Variants in NCOR2 observed in about 807,000 individuals in gnomAD.
NCOR2 encodes nuclear receptor corepressor 2, also known as CTG repeat protein 26.
In NCOR2, 81 loss-of-function variants were observed where a neutral mutation model predicts 262.9. The ratio of observed to expected loss-of-function variants is 0.31; its 90% CI spans 0.26 to 0.37. NCOR2 has a LOEUF of 0.37. Ranked by LOEUF, NCOR2 falls within the 10% of genes least tolerant of loss-of-function variation. NCOR2 has a pLI of 1.00. For synonymous variants in NCOR2, 1,659 were observed against 1,559.3 expected (o/e 1.06, Z -1.51); for missense variants, 3,385 against 3,621.4 (o/e 0.93, Z 1.68).
At chr12:124,453,019 A>C (rs1242145959) in intron 6 of NCOR2, among the ~76,000 whole-genome samples, 3 of 152,002 alleles carry the variant, frequency 2.0e-5, no homozygotes, top group Non-Finnish European at 4.4e-5. Context: ...AATGCCGTGC[A>C]CCGCCATGGC....
intron 44 of NCOR2, 74 bp downstream of exon 46, chr12:124,330,770 AT>A: frequency 6.7e-7 from 1 of 1,495,938 alleles, no homozygotes; most frequent in Non-Finnish European, 9.1e-7. Context: ...TCGTCCCTTC[AT>A]GACAGCTGGA....
intron 20 of NCOR2, among the ~76,000 whole-genome samples, chr12:124,369,054 C>T (rs776422436): frequency 1.2e-4 from 18 of 152,212 alleles, no homozygotes; most frequent in South Asian, 2.1e-4. Context: ...AATCTCTGAG[C>T]GCCCACTGTG....
intron 16 of NCOR2, among the ~76,000 whole-genome samples, chr12:124,395,691 G>A (rs1276184575): frequency 1.3e-5 from 2 of 152,198 alleles, no homozygotes; most frequent in South Asian, 2.1e-4. Context: ...CAGGCAATGG[G>A]CGGTGGGGGC....
At chr12:124,434,547 C>T (rs1170221398) in intron 8 of NCOR2, among the ~76,000 whole-genome samples, 13 of 152,102 alleles carry the variant, frequency 8.5e-5, no homozygotes, top group Admixed American at 7.9e-4. Context: ...AGAACTCAAG[C>T]CCACCCCAAC....
chr12:124,352,722 G>A (rs2135902683), intron 27 of NCOR2, among the ~76,000 whole-genome samples: 1 of 152,352 alleles, frequency 6.6e-6, no homozygotes, highest in Admixed American at 6.5e-5. Context: ...GACATGGACA[G>A]AGAACAGAAA....
chr12:124,412,948 C>T (rs192053554), intron 13 of NCOR2, among the ~76,000 whole-genome samples: 1 of 152,350 alleles, frequency 6.6e-6, no homozygotes, highest in Non-Finnish European at 1.5e-5. Flanking sequence ...GGCACAGCCC[C>T]AGGATGCTGG....
intron 28 of NCOR2, chr12:124,348,948 G>C (rs1388883615): frequency 6.5e-6 from 1 of 153,464 alleles, no homozygotes; most frequent in Non-Finnish European, 1.4e-5. Flanking sequence ...ACATGCACGT[G>C]AGCCTGGCTG....
chr12:124,338,834 C>A (rs543173875), intron 37 of NCOR2, among the ~76,000 whole-genome samples: 4 of 152,114 alleles, frequency 2.6e-5, no homozygotes, highest in Admixed American at 6.5e-5. Flanking sequence ...TCCACTGGGG[C>A]CTCCATCCAC....
chr12:124,536,182 T>C (rs2051109202), upstream of NCOR2, among the ~76,000 whole-genome samples: 1 of 152,122 alleles, frequency 6.6e-6, no homozygotes, highest in South Asian at 2.1e-4. Context: ...CCTAAGGCGA[T>C]CCTCCCACCT....
At chr12:124,373,903 T>TGGACAATCATGAGGCCAGTGCGTGC (rs1566413165) in intron 19 of NCOR2, among the ~76,000 whole-genome samples, 4 of 78,326 alleles carry the variant, frequency 5.1e-5, no homozygotes, top group African/African-American at 2.0e-4. Flanking sequence ...CCAGTGCGTG[T>TGGACAATCATGAGGCCAGTGCGTGC]GCAGGGGCCC....
chr12:124,371,972 C>T, intron 20 of NCOR2, 50 bp downstream of exon 22: 1 of 1,508,776 alleles, frequency 6.6e-7, no homozygotes, highest in Non-Finnish European at 8.9e-7. Context: ...AGTCGCTGCT[C>T]AGTGTCTGCA....
chr12:124,333,321 T>C (rs1379977184), intron 41 of NCOR2, 42 bp from the exon 44 acceptor site: 30 of 1,490,394 alleles, frequency 2.0e-5, no homozygotes, highest in Non-Finnish European at 2.6e-5. Flanking sequence ...GAGGTCTCCC[T>C]ACTGAGGGGG....
rs530485715 is a variant in NCOR2 at position 124,329,449 on chromosome 12, A to G, written c.6958+1396T>C. ...GCACTCCAGCCTGGGCGACAGAGCAAGACTCTGTCAAACAAACAGACAAAC... is the reference window on the plus strand; with the variant it reads ...GCACTCCAGCCTGGGCGACAGAGCAGGACTCTGTCAAACAAACAGACAAAC... On this transcript the variant is annotated intron_variant, in intron 44 of 46. Coordinates refer to ENST00000405201, the Ensembl canonical transcript of NCOR2. 4.6e-5 allele frequency among the ~76,000 whole-genome samples: 7 copies of G among 152,222 alleles called. No individual in the cohort carries two copies. The East Asian group carries it at 1.2e-3, about 25-fold the overall frequency.
chr12:124,519,634 G>C (rs1455710947), intron 1 of NCOR2, among the ~76,000 whole-genome samples: 2 of 152,264 alleles, frequency 1.3e-5, no homozygotes, highest in African/African-American at 4.8e-5. Context: ...GATGGACTCT[G>C]GGCCTGGCCT....
Position 124,378,498 on chromosome 12 carries a change from C to T in NCOR2, c.2020-114G>A, listed in dbSNP as rs987938707. On this transcript the variant is annotated intron_variant, in intron 17 of 46. Transcript: ENST00000405201. This position sits in a 1 kb window ranked among gnomAD's most constrained non-coding sequence, Gnocchi z 4.2. ...AAGGGCAGTGATCCCGGCCATGTAG[C>T]AATGAGGGTGACCGTCCCCCTCACA... The T allele has an allele frequency of 9.9e-5, 110 of 1,114,926 alleles. No individual in the cohort carries two copies. The African/African-American group carries it at 1.5e-3, about 15-fold the overall frequency. The allele number at this position is 1,114,926 out of a possible 1,614,324, so 69.1% of individuals were successfully genotyped here.
intron 1 of NCOR2, among the ~76,000 whole-genome samples, chr12:124,546,507 T>C (rs1192655500): frequency 6.6e-6 from 1 of 152,096 alleles, no homozygotes; most frequent in Non-Finnish European, 1.5e-5. Context: ...CTCCACCTCC[T>C]GGGTTCAAGT....
chr12:124,430,493 G>A, intron 9 of NCOR2, 122 bp downstream of exon 11: 1 of 1,230,742 alleles, frequency 8.1e-7, no homozygotes. Flanking sequence ...TAGGGCCCTG[G>A]CCACTGGCCT....
chr12:124,463,036 G>A (rs902125011), intron 5 of NCOR2, among the ~76,000 whole-genome samples: 3 of 152,174 alleles, frequency 2.0e-5, no homozygotes, highest in East Asian at 1.9e-4. Context: ...TTCCCCAGTC[G>A]ACCTAGCTCA....
chr12:124,498,549 C>T (rs568749571), upstream of NCOR2, among the ~76,000 whole-genome samples: 10 of 152,264 alleles, frequency 6.6e-5, no homozygotes, highest in Admixed American at 1.3e-4. Flanking sequence ...CAACCCCTCC[C>T]GACCTGAGCC....
Sources: gnomAD v4.1 joint callset for allele counts (sites outside exome capture counted in the v4.1 genomes callset) on GRCh38, gnomAD v4.1.1 for gene constraint, Gnocchi (gnomAD v3.1) non-coding constraint, MANE v1.5 for transcripts, NCBI Gene and HGNC (gene_info 2026-07-23, HGNC 2026-07-21) for gene names.